The following FMN2 variants were observed in gnomAD, a reference collection of about 807,000 sequenced individuals.
The protein encoded by FMN2 is formin 2, also known as formin-2.
FMN2 carries 51 observed loss-of-function variants against 142.3 expected under a neutral mutation model. The observed-to-expected ratio is 0.36, with a 90% CI of 0.29 to 0.45. The LOEUF is 0.45. Ranked by LOEUF, FMN2 falls within the 20% of genes least tolerant of loss-of-function variation. The pLI is 1.00. For missense variants in FMN2, 1,936 were observed against 2,122.8 expected, an observed-to-expected ratio of 0.91 and a Z score of 1.73; for synonymous variants, 882 against 869.8, an observed-to-expected ratio of 1.01 and a Z score of -0.25.
chr1:240,401,284 T>A (rs1673979900), intron 15 of FMN2, among the ~76,000 whole-genome samples: 2 of 152,238 alleles, frequency 1.3e-5, no homozygotes, highest in Admixed American at 6.5e-5. Flanking sequence ...TTTCTCCTTT[T>A]ATTTTTATTA....
At chr1:240,101,587 C>A (rs187690290) in intron 1 of FMN2, among the ~76,000 whole-genome samples, 26 of 151,906 alleles carry the variant, frequency 1.7e-4, no homozygotes, top group Non-Finnish European at 2.6e-4. Flanking sequence ...CAAGCGGGAG[C>A]GCAGTGGTGT....
chr1:240,109,168 C>G (rs939096417), intron 1 of FMN2, among the ~76,000 whole-genome samples: 15 of 152,168 alleles, frequency 9.9e-5, no homozygotes, highest in African/African-American at 3.1e-4. Flanking sequence ...ACATAAAACT[C>G]AGTACAAAAC....
In FMN2 at chr1:240,206,742, C is replaced by T. The variant is rs1415907855; in HGVS notation, c.1987-57C>T. 1.1e-5 allele frequency: 17 copies of T among 1,539,980 alleles called. No individual in the cohort carries two copies. In the South Asian group the frequency reaches 1.5e-4, roughly 14 times the overall value. On this transcript the variant is annotated intron_variant, in intron 4 of 17. Coordinates refer to ENST00000319653, the MANE Select transcript of FMN2 (RefSeq NM_020066.5). ...AGATATAATTTTGCTTAATTTTTTG[C>T]TATTTGCATTTTTCCTTATTTCATA...
chr1:240,209,765 G>A (rs1666611542), intron 5 of FMN2, among the ~76,000 whole-genome samples: 4 of 151,624 alleles, frequency 2.6e-5, no homozygotes, highest in Admixed American at 6.6e-5. Context: ...TTAGCCGGGC[G>A]AGGTGGCGGG....
chr1:240,300,872 A>G lies in FMN2; in HGVS notation c.4215+5989A>G, dbSNP rs1003228724. 4.2e-5 allele frequency among the ~76,000 whole-genome samples: 6 copies of G among 143,996 alleles called. No individual in the cohort carries two copies. The South Asian group carries it at 1.3e-3, about 31-fold the overall frequency. The allele number at this position is 143,996 out of a possible 152,430, so 94.5% of individuals were successfully genotyped here. On this transcript the variant is annotated intron_variant, in intron 8 of 17. Transcript: ENST00000319653. Reference sequence around the variant, plus strand: ...AAACTGATATTTAAATAGCTATTCTATTCTTTTGATACTTACTGTGTGCAT... The same window carrying G: ...AAACTGATATTTAAATAGCTATTCTGTTCTTTTGATACTTACTGTGTGCAT...
intron 4 of FMN2, among the ~76,000 whole-genome samples, chr1:240,188,997 A>G (rs1364560620): frequency 6.6e-6 from 1 of 152,114 alleles, no homozygotes; most frequent in African/African-American, 2.4e-5. Flanking sequence ...ATCAGCCCCC[A>G]TGATTCAGTC....
At chr1:240,440,346 C>T (rs1035649858) in intron 16 of FMN2, among the ~76,000 whole-genome samples, 5 of 152,190 alleles carry the variant, frequency 3.3e-5, no homozygotes, top group African/African-American at 1.2e-4. Flanking sequence ...TCCTCAGAGT[C>T]CCATCTAACA....
rs771901902 is a variant in FMN2 at position 240,207,726 on chromosome 1, G to C, written c.2914G>C (p.Gly972Arg). 5 of 1,426,552 alleles carry C rather than the reference G, an allele frequency of 3.5e-6. No homozygotes were observed. Among genetic ancestry groups the C allele is most frequent in the Non-Finnish European group, 4.7e-6 (5 of 1,056,244 alleles). 88.4% of individuals were successfully genotyped at this position (1,426,552 alleles called of 1,614,324 possible). The change falls in exon 5 of 18, where the codon GGA (glycine) becomes CGA (arginine). Residue 972 changes from glycine to arginine, a missense_variant. Coordinates refer to ENST00000319653, the MANE Select transcript of FMN2 (RefSeq NM_020066.5). ...CATACCCCTTCCTCCCCCTCTTCCC[G>C]GAGCAGGAATACCTCCTCCACCCCC... ...AGIPLPPPLPGAGIPPPPPLP... is the reference protein window; with the variant it reads ...AGIPLPPPLPRAGIPPPPPLP...
chr1:240,098,779 T>C (rs1441774351), intron 1 of FMN2, among the ~76,000 whole-genome samples: 1 of 152,154 alleles, frequency 6.6e-6, no homozygotes, highest in Non-Finnish European at 1.5e-5. Flanking sequence ...AGTGCACCAG[T>C]AGCTTCAGGG....
chr1:240,097,631 A>T (rs1174748649), intron 1 of FMN2, among the ~76,000 whole-genome samples: 1 of 152,148 alleles, frequency 6.6e-6, no homozygotes, highest in Non-Finnish European at 1.5e-5. Flanking sequence ...CTGGGATTAC[A>T]GGCGTGAGCC....
chr1:240,277,323 T>C (rs909622323), intron 7 of FMN2, among the ~76,000 whole-genome samples: 2 of 152,044 alleles, frequency 1.3e-5, no homozygotes, highest in African/African-American at 2.4e-5. Context: ...TTCTTAGAAT[T>C]TTTTATTTTA....
At chr1:240,412,647 A>T (rs1444246591) in intron 15 of FMN2, among the ~76,000 whole-genome samples, 1 of 152,176 alleles carries the variant, frequency 6.6e-6, no homozygotes, top group Non-Finnish European at 1.5e-5. Flanking sequence ...AAACTTTAAA[A>T]AAAAAAGTGT....
At chr1:240,122,779 G>A (rs1006637607) in intron 1 of FMN2, among the ~76,000 whole-genome samples, 1 of 152,108 alleles carries the variant, frequency 6.6e-6, no homozygotes, top group African/African-American at 2.4e-5. Context: ...TGAGCTGGGC[G>A]TGGTGGCTCA....
At chr1:240,134,013 G>A (rs1662840816) in intron 2 of FMN2, among the ~76,000 whole-genome samples, 1 of 152,104 alleles carries the variant, frequency 6.6e-6, no homozygotes, top group Admixed American at 6.5e-5. Context: ...TTTACCCAAG[G>A]TCACATTAAA....
At chr1:240,177,881 G>C (rs1265433728) in intron 2 of FMN2, 40 bp from the exon 3 acceptor site, 1 of 1,498,292 alleles carries the variant, frequency 6.7e-7, no homozygotes, top group African/African-American at 1.4e-5. Context: ...TTTTGTAACT[G>C]AATTAATAGC....
intron 16 of FMN2, among the ~76,000 whole-genome samples, chr1:240,468,228 G>A: frequency 1.8e-5 from 2 of 111,162 alleles, no homozygotes; most frequent in African/African-American, 8.8e-5. Flanking sequence ...GTGTGTGTGT[G>A]TGTGTATTCA....
chr1:240,298,826 A>G (rs1487241876), intron 8 of FMN2, among the ~76,000 whole-genome samples: 3 of 152,258 alleles, frequency 2.0e-5, no homozygotes, highest in Admixed American at 6.5e-5. Context: ...CTGTCTATGT[A>G]AGACATTGTT....
At chr1:240,396,511 G>C (rs1419997834) in intron 15 of FMN2, among the ~76,000 whole-genome samples, 1 of 151,358 alleles carries the variant, frequency 6.6e-6, no homozygotes, top group African/African-American at 2.4e-5. Flanking sequence ...TTTGTTACAT[G>C]GGTACATTGC....
chr1:240,430,704 A>T (rs1572300792), intron 15 of FMN2, among the ~76,000 whole-genome samples: 1 of 142,770 alleles, frequency 7.0e-6, no homozygotes. Flanking sequence ...TTGTTCTAGC[A>T]CCATTTGATT....
Sources: gnomAD v4.1 joint callset for allele counts (sites outside exome capture counted in the v4.1 genomes callset) on GRCh38, gnomAD v4.1.1 for gene constraint, MANE v1.5 for transcripts, NCBI Gene and HGNC (gene_info 2026-07-23, HGNC 2026-07-21) for gene names.